The following NEK1 variants were observed in gnomAD, a reference collection of about 807,000 sequenced individuals.
The protein encoded by NEK1 is NIMA related kinase 1.
NEK1 carries 137 observed loss-of-function variants against 182.1 expected under a neutral mutation model. The observed-to-expected ratio is 0.75, with a 90% confidence interval of 0.65 to 0.87. The LOEUF (loss-of-function observed/expected upper bound fraction) is 0.87. NEK1 is among the 40% of genes least tolerant of loss of function. The pLI, the probability that NEK1 is intolerant of heterozygous loss-of-function variation, is 0.00. For missense variants in NEK1, 1,391 were observed against 1,494.4 expected (o/e 0.93, Z 1.14); for synonymous variants, 513 against 492.2 (o/e 1.04, Z -0.56).
chr4:169,431,733 A>C (rs1737479313), intron 29 of NEK1, among the ~76,000 whole-genome samples: 1 of 151,946 alleles, frequency 6.6e-6, no homozygotes, highest in Non-Finnish European at 1.5e-5. Flanking sequence ...GTTTGAGATC[A>C]ACCTGGGCAC....
chr4:169,547,840 T>C (rs1001249759), intron 18 of NEK1, among the ~76,000 whole-genome samples: 1 of 152,214 alleles, frequency 6.6e-6, no homozygotes, highest in African/African-American at 2.4e-5. Context: ...ATGTTCTTCT[T>C]TAAACTGGTT....
intron 12 of NEK1, among the ~76,000 whole-genome samples, chr4:169,570,879 C>T (rs1020271579): frequency 3.3e-5 from 5 of 152,120 alleles, no homozygotes; most frequent in African/African-American, 1.2e-4. Flanking sequence ...GTGACCTTAC[C>T]CCCAACCCAG....
chr4:169,400,924 A>G (rs1731570023), intron 33 of NEK1, among the ~76,000 whole-genome samples: 1 of 151,902 alleles, frequency 6.6e-6, no homozygotes, highest in Admixed American at 6.6e-5. Context: ...CTTAAATAAA[A>G]AAAAAAAAGT....
chr4:169,590,470 G>A lies in NEK1; in HGVS notation c.396+256C>T, dbSNP rs146388800. Among the ~76,000 whole-genome samples, 4 of 152,216 alleles carry A rather than the reference G, an allele frequency of 2.6e-5. No homozygotes were observed. The East Asian group carries it at 7.7e-4, about 29-fold the overall frequency. On this transcript the variant is annotated intron_variant, in intron 6 of 35. Transcript: ENST00000507142. ...AGGTGGAGAGGAATGGGAACTCACT[G>A]CTAATGGGTACGAGGTTCTTTTTGG...
chr4:169,426,244 A>T lies in NEK1; in HGVS notation c.2886-10T>A. The T allele has an allele frequency of 6.2e-7, 1 of 1,609,854 alleles. No homozygotes were observed. The highest frequency in any genetic ancestry group is 8.5e-7 in the Non-Finnish European group (1 of 1,177,156). Reference sequence around the variant, plus strand: ...GATCCTATCTGCCGACCTGCCACAGATGGGTACACCAATTAAAAACACACA... The same window carrying T: ...GATCCTATCTGCCGACCTGCCACAGTTGGGTACACCAATTAAAAACACACA... On this transcript the variant is annotated splice_polypyrimidine_tract_variant and intron_variant, in intron 29 of 35. Transcript: ENST00000507142.
chr4:169,532,518 T>C (rs1757831950), intron 19 of NEK1, among the ~76,000 whole-genome samples: 1 of 152,220 alleles, frequency 6.6e-6, no homozygotes, highest in South Asian at 2.1e-4. Context: ...GTAACAAATG[T>C]ACTGCTCTGC....
intron 23 of NEK1, among the ~76,000 whole-genome samples, chr4:169,486,433 C>T (rs530193841): frequency 1.3e-5 from 2 of 152,286 alleles, no homozygotes; most frequent in Admixed American, 1.3e-4. Flanking sequence ...TCTGCCTACT[C>T]TTGATCAATA....
intron 27 of NEK1, among the ~76,000 whole-genome samples, chr4:169,455,593 A>G (rs571128709): frequency 1.8e-4 from 28 of 152,310 alleles, no homozygotes; most frequent in African/African-American, 6.3e-4. Flanking sequence ...TATGCATCCA[A>G]TACTGGAGTA....
rs545003281 is a variant in NEK1 at position 169,490,575 on chromosome 4, A to C, written c.2008-11041T>G. On this transcript the variant is annotated intron_variant, in intron 23 of 35. Transcript: ENST00000507142. ...ACAAGAGGATAGACAATTCAATGAA[A>C]TCAGCAAAATAATCCATGATATGAA... Among the ~76,000 whole-genome samples, 4 of 152,140 alleles carry C rather than the reference A, an allele frequency of 2.6e-5. No homozygotes were observed. The East Asian group carries it at 7.7e-4, about 29-fold the overall frequency.
chr4:169,528,607 G>A (rs1159838762), intron 19 of NEK1, among the ~76,000 whole-genome samples: 1 of 152,146 alleles, frequency 6.6e-6, no homozygotes, highest in Non-Finnish European at 1.5e-5. Flanking sequence ...CTGCTAAATT[G>A]TGGTAACTTG....
At chr4:169,407,160 T>C (rs1484357612) in intron 31 of NEK1, among the ~76,000 whole-genome samples, 2 of 152,160 alleles carry the variant, frequency 1.3e-5, no homozygotes, top group African/African-American at 4.8e-5. Flanking sequence ...GTTTTCTCCT[T>C]CTCACTCACG....
At chr4:169,433,781 C>A in intron 28 of NEK1, 116 bp from the exon 29 acceptor site, 1 of 1,034,860 alleles carries the variant, frequency 9.7e-7, no homozygotes, top group Admixed American at 2.6e-5. Context: ...TTCATTAAAA[C>A]AGAAAAATTA....
chr4:169,590,627 C>A (rs2150092319), intron 6 of NEK1, 99 bp downstream of exon 6: 1 of 673,734 alleles, frequency 1.5e-6, no homozygotes, highest in East Asian at 2.8e-5. Context: ...GACAGATAAT[C>A]TGATGCACAC....
At chr4:169,548,541 T>C (rs973188584) in intron 18 of NEK1, among the ~76,000 whole-genome samples, 2 of 152,198 alleles carry the variant, frequency 1.3e-5, no homozygotes, top group Admixed American at 6.5e-5. Flanking sequence ...AGCAGGGATG[T>C]TTAAGTCTGC....
chr4:169,460,995 T>C (rs781407585), intron 27 of NEK1, among the ~76,000 whole-genome samples: 17 of 152,160 alleles, frequency 1.1e-4, no homozygotes, highest in Non-Finnish European at 2.2e-4. Context: ...GACATAAGAA[T>C]TGGAAGACTA....
intron 12 of NEK1, among the ~76,000 whole-genome samples, chr4:169,570,303 C>CCCGTCT (rs1224209174): frequency 2.0e-5 from 3 of 152,040 alleles, no homozygotes; most frequent in Admixed American, 1.3e-4. Context: ...CAGCAGCCAC[C>CCCGTCT]CCGTCTGGGA....
Position 169,602,612 on chromosome 4 carries a change from G to T in NEK1, c.19C>A (p.Leu7Ile). The T allele has an allele frequency of 1.9e-6, 3 of 1,595,916 alleles. No homozygotes were observed. Among genetic ancestry groups the T allele is most frequent in the Non-Finnish European group, 2.6e-6 (3 of 1,164,350 alleles). Reference sequence around the variant, plus strand: ...AATGAACCTTCTCCAATCTTCTGTAGTCTAACATACTTCTCCATGATTCTT... The same window carrying T: ...AATGAACCTTCTCCAATCTTCTGTATTCTAACATACTTCTCCATGATTCTT... The part of the protein sequence containing the change: MEKYVR[L>I]QKIGEGSFGK... The change falls in exon 3 of 36, where the codon CTA (leucine) becomes ATA (isoleucine). Residue 7 changes from leucine to isoleucine, a missense_variant. Coordinates refer to ENST00000507142, the MANE Select transcript of NEK1 (RefSeq NM_001199397.3).
At chr4:169,558,436 T>C (rs1762448918) in intron 16 of NEK1, among the ~76,000 whole-genome samples, 2 of 152,198 alleles carry the variant, frequency 1.3e-5, no homozygotes, top group Admixed American at 6.5e-5. Context: ...TTGCAGTAAA[T>C]GCTCGCACTG....
intron 19 of NEK1, among the ~76,000 whole-genome samples, chr4:169,536,248 G>T (rs1454832573): frequency 7.0e-6 from 1 of 143,464 alleles, no homozygotes; most frequent in African/African-American, 2.7e-5. Context: ...ACTGACCCAA[G>T]ATCACGCCAC....
Sources: gnomAD v4.1 joint callset for allele counts (sites outside exome capture counted in the v4.1 genomes callset) on GRCh38, gnomAD v4.1.1 for gene constraint, MANE v1.5 for transcripts, NCBI Gene and HGNC (gene_info 2026-07-23, HGNC 2026-07-21) for gene names.